Variants in SRSF4 observed in about 807,000 individuals in gnomAD.
SRSF4 encodes serine and arginine rich splicing factor 4, also known as serine/arginine-rich splicing factor 4.
In SRSF4, 12 loss-of-function variants were observed where a neutral mutation model predicts 48.8. The observed-to-expected ratio is 0.25, with a 90% CI of 0.16 to 0.40. The LOEUF is 0.40. Among genes scored for constraint, SRSF4 ranks in the 10% least tolerant of loss-of-function variants. The pLI is 1.00. For missense variants in SRSF4, 466 were observed against 667.1 expected, an observed-to-expected ratio of 0.70 and a Z score of 3.32; for synonymous variants, 248 against 232.5, an observed-to-expected ratio of 1.07 and a Z score of -0.61.
chr1:29,148,740 G>T lies in SRSF4; in HGVS notation c.1155C>A (p.Asp385Glu), dbSNP rs1672348884. The T allele has an allele frequency of 6.2e-7, 1 of 1,613,464 alleles. No individual in the cohort carries two copies. Among genetic ancestry groups the T allele is most frequent in the Admixed American group, 1.7e-5 (1 of 59,978 alleles). ...TCTTCTTGCTGCTGCCCGCCTTGCT[G>T]TCTCGCTTGCTGCCTCGCTTTCTGC... Reference protein sequence around the residue: ...ERSRKRGSKRDSKAGSSKKKK... With the variant: ...ERSRKRGSKRESKAGSSKKKK... The change falls in exon 6 of 6, where the codon GAC (aspartate) becomes GAA (glutamate). Residue 385 changes from aspartate to glutamate, a missense_variant. Physicochemically the swap from Asp to Glu is conservative, Grantham distance 45. Coordinates refer to ENST00000373795, the MANE Select transcript of SRSF4 (RefSeq NM_005626.5).
In SRSF4 at chr1:29,181,860, G is replaced by A; in HGVS notation, c.-108C>T. 1 of 925,444 alleles carries A rather than the reference G, an allele frequency of 1.1e-6. No individual in the cohort carries two copies. The highest frequency in any genetic ancestry group is 1.5e-6 in the Non-Finnish European group (1 of 682,702). The allele number at this position is 925,444 out of a possible 1,614,324, so 57.3% of individuals were successfully genotyped here. On this transcript the variant is annotated 5_prime_UTR_variant, in exon 1 of 6. Transcript: ENST00000373795. ...CGGCGGCGGCAACGGGCGGGCGGCGGGACGGACGCAGCCGAACCCCGGCGA... is the reference window on the plus strand; with the variant it reads ...CGGCGGCGGCAACGGGCGGGCGGCGAGACGGACGCAGCCGAACCCCGGCGA...
chr1:29,148,094 C>A lies in SRSF4; in HGVS notation c.*316G>T, dbSNP rs1366922785. The A allele has an allele frequency of 1.9e-6, 1 of 531,540 alleles. No homozygotes were observed. The highest frequency in any genetic ancestry group is 3.6e-6 in the Non-Finnish European group (1 of 277,046). The allele number at this position is 531,540 out of a possible 1,614,324, so 32.9% of individuals were successfully genotyped here. On this transcript the variant is annotated 3_prime_UTR_variant, in exon 6 of 6. Transcript: ENST00000373795. ...ACCATACCTACCTATGTGGTCATTC[C>A]AGCCTTAGAGCCGTCCAGGTTACTG...
intron 2 of SRSF4, chr1:29,159,740 A>C (rs969658578): frequency 1.0e-5 from 3 of 300,116 alleles, no homozygotes; most frequent in South Asian, 1.7e-4. Flanking sequence ...ATAAATTTAA[A>C]ACTATTAACA....
At chr1:29,179,659 C>A (rs578214501) in intron 1 of SRSF4, among the ~76,000 whole-genome samples, 2 of 152,326 alleles carry the variant, frequency 1.3e-5, no homozygotes, top group Admixed American at 1.3e-4. Flanking sequence ...ATATACTATT[C>A]CCAGAAACCT....
chr1:29,156,965 G>A (rs961026460), intron 3 of SRSF4, among the ~76,000 whole-genome samples: 3 of 152,224 alleles, frequency 2.0e-5, no homozygotes, highest in Non-Finnish European at 2.9e-5. Context: ...AGTGCTGAAA[G>A]GAAGGCAGTG....
intron 1 of SRSF4, among the ~76,000 whole-genome samples, chr1:29,164,039 T>TG (rs34459508): frequency 1.3e-5 from 2 of 152,230 alleles, no homozygotes; most frequent in African/African-American, 2.4e-5. Context: ...ACAATGGAGA[T>TG]GGGGTCTCAA....
intron 4 of SRSF4, 32 bp downstream of exon 4, chr1:29,154,664 G>A (rs1672470664): frequency 2.5e-6 from 4 of 1,595,518 alleles, no homozygotes; most frequent in Non-Finnish European, 3.4e-6. Context: ...AATTTATGAT[G>A]AGCTCCAACA....
At chr1:29,177,237 T>C (rs569875073) in intron 1 of SRSF4, among the ~76,000 whole-genome samples, 75 of 151,678 alleles carry the variant, frequency 4.9e-4, no homozygotes, top group African/African-American at 1.7e-3. Context: ...TTCCTTGACG[T>C]GCATCTAGGA....
At chr1:29,175,828 T>C (rs1672840079) in intron 1 of SRSF4, among the ~76,000 whole-genome samples, 1 of 152,164 alleles carries the variant, frequency 6.6e-6, no homozygotes, top group African/African-American at 2.4e-5. Flanking sequence ...AAAACTTGTT[T>C]TAACCTCTTC....
intron 1 of SRSF4, 47 bp downstream of exon 1, chr1:29,181,599 T>A (rs747863378): frequency 4.7e-6 from 7 of 1,503,812 alleles, no homozygotes; most frequent in Non-Finnish European, 9.0e-7. Context: ...CCCCACCACC[T>A]ATGGGGTCTG....
intron 1 of SRSF4, among the ~76,000 whole-genome samples, chr1:29,163,452 A>T (rs1400020286): frequency 6.6e-6 from 1 of 152,264 alleles, no homozygotes; most frequent in Non-Finnish European, 1.5e-5. Flanking sequence ...ATCTTCGCAT[A>T]CAACAAACCA....
intron 1 of SRSF4, among the ~76,000 whole-genome samples, chr1:29,175,211 AAAAC>A (rs1672821084): frequency 6.7e-6 from 1 of 149,410 alleles, no homozygotes; most frequent in Non-Finnish European, 1.5e-5. Flanking sequence ...TCAGGAGTTC[AAAAC>A]CAGGCTGGCC....
chr1:29,148,156 G>A lies in SRSF4; in HGVS notation c.*254C>T. 1 of 632,166 alleles carries A rather than the reference G, an allele frequency of 1.6e-6. No homozygotes were observed. The highest frequency in any genetic ancestry group is 1.5e-5 in the South Asian group (1 of 66,180). The allele number at this position is 632,166 out of a possible 1,614,324, so 39.2% of individuals were successfully genotyped here. On this transcript the variant is annotated 3_prime_UTR_variant, in exon 6 of 6. Coordinates refer to ENST00000373795, the MANE Select transcript of SRSF4 (RefSeq NM_005626.5). ...GGAAAGGCCAGGCCTGAAAGCCAAG[G>A]CGTTTTGGATATTCTACTGTGGGCC...
At chr1:29,151,256 A>G (rs758922793) in intron 4 of SRSF4, among the ~76,000 whole-genome samples, 7 of 152,230 alleles carry the variant, frequency 4.6e-5, no homozygotes, top group African/African-American at 7.2e-5. Context: ...AACTTCCAGT[A>G]TATAGGAAGT....
chr1:29,154,308 C>T (rs776344150), intron 4 of SRSF4, among the ~76,000 whole-genome samples: 7 of 152,226 alleles, frequency 4.6e-5, no homozygotes, highest in Non-Finnish European at 8.8e-5. Flanking sequence ...AGGTGATCCA[C>T]CCACCTCGGC....
intron 1 of SRSF4, chr1:29,168,927 T>C (rs1259992809): frequency 6.6e-6 from 1 of 152,234 alleles, no homozygotes; most frequent in Non-Finnish European, 1.5e-5. Context: ...CTAGAAAGTT[T>C]ACAGACTTTC....
At chr1:29,150,047 G>T in intron 5 of SRSF4, 56 bp downstream of exon 5, 1 of 1,407,350 alleles carries the variant, frequency 7.1e-7, no homozygotes, top group Non-Finnish European at 9.9e-7. Context: ...AAAAAAGTGA[G>T]ACAGGGTACA....
chr1:29,161,478 A>T (rs1672594012), intron 1 of SRSF4, among the ~76,000 whole-genome samples: 1 of 152,264 alleles, frequency 6.6e-6, no homozygotes, highest in South Asian at 2.1e-4. Context: ...GGCTGTGTGT[A>T]CACGGGCACA....
At position 29,148,968 on chromosome 1, in the gene SRSF4, C is replaced by T. The variant is rs755484184; in HGVS notation, c.927G>A (p.Val309=). ...TCACACTCCCTCGCTTCTCCTCCTC[C>T]ACTCTCCTCTCCTGACTCCTGCTCC... is the stretch of plus-strand genomic sequence containing the variant. The part of the protein sequence containing the change: ...KSRSRSQERR[V]EEEKRGSVSR... Residue 309 remains valine (V), a synonymous_variant, in exon 6 of 6, where the codon GTG becomes GTA. Coordinates refer to ENST00000373795, the MANE Select transcript of SRSF4 (RefSeq NM_005626.5). 15 of 1,612,894 alleles carry T rather than the reference C, an allele frequency of 9.3e-6. No homozygotes were observed. Among genetic ancestry groups the T allele is most frequent in the Non-Finnish European group, 1.1e-5 (13 of 1,179,770 alleles).
Sources: allele counts gnomAD v4.1 joint callset (sites outside exome capture counted in the v4.1 genomes callset), GRCh38; gene constraint gnomAD v4.1.1; transcripts MANE v1.5; gene names NCBI Gene and HGNC (gene_info 2026-07-23, HGNC 2026-07-21).